The following ZMYND8 variants were observed in gnomAD, a reference collection of about 807,000 sequenced individuals.
The protein encoded by ZMYND8 is MYND-type zinc finger-containing chromatin reader ZMYND8.
ZMYND8 carries 37 observed loss-of-function variants against 140.8 expected under a neutral mutation model. The ratio of observed to expected loss-of-function variants is 0.26; its 90% confidence interval spans 0.20 to 0.35. ZMYND8 has a LOEUF of 0.35. ZMYND8 is among the 10% of genes least tolerant of loss of function. The pLI is 1.00. For synonymous variants in ZMYND8, 592 were observed against 597.1 expected, an observed-to-expected ratio of 0.99 and a Z score of 0.12; for missense variants, 1,068 against 1,570.0, an observed-to-expected ratio of 0.68 and a Z score of 5.40.
chr20:47,225,013 C>T (rs539572812), intron 18 of ZMYND8, among the ~76,000 whole-genome samples: 1 of 152,294 alleles, frequency 6.6e-6, no homozygotes, highest in African/African-American at 2.4e-5. Context: ...TCCTAATAAT[C>T]CTACGGGGTA....
At chr20:47,275,573 A>C (rs1051345405) in intron 11 of ZMYND8, among the ~76,000 whole-genome samples, 2 of 151,210 alleles carry the variant, frequency 1.3e-5, no homozygotes, top group African/African-American at 4.8e-5. Flanking sequence ...AAGACAGAGT[A>C]CTATTATTGT....
chr20:47,274,529 C>T (rs536639148), intron 11 of ZMYND8, among the ~76,000 whole-genome samples: 1 of 152,254 alleles, frequency 6.6e-6, no homozygotes, highest in East Asian at 1.9e-4. Flanking sequence ...GTTTTGTGAA[C>T]TTGGCTTAAA....
At chr20:47,319,440 T>G (rs1273906023) in intron 2 of ZMYND8, 1 of 224,396 alleles carries the variant, frequency 4.5e-6, no homozygotes, top group Non-Finnish European at 9.1e-6. Context: ...TTTTAGTAAT[T>G]GTTTCAGATT....
Position 47,298,774 on chromosome 20 carries a change from T to C in ZMYND8, c.408A>G (p.Arg136=), listed in dbSNP as rs1343181699. ...CPRVYHAKCL[R]LTSEPEGDWF... ...AGTCCCCCTCTGGTTCCGATGTCAGTCTCAGACACTTAGCGTGATAAACCC... is the reference window on the plus strand; with the variant it reads ...AGTCCCCCTCTGGTTCCGATGTCAGCCTCAGACACTTAGCGTGATAAACCC... Residue 136 remains arginine (R), a synonymous_variant, in exon 4 of 23, where the codon AGA becomes AGG. Transcript: ENST00000471951. The surrounding 1 kb of genome is among the most constrained non-coding windows in gnomAD (Gnocchi z 5.0). 1 of 1,614,086 alleles carries C rather than the reference T, an allele frequency of 6.2e-7. No individual in the cohort carries two copies. Among genetic ancestry groups the C allele is most frequent in the Non-Finnish European group, 8.5e-7 (1 of 1,180,000 alleles).
At chr20:47,250,041 T>C (rs1455989809) in intron 12 of ZMYND8, among the ~76,000 whole-genome samples, 1 of 152,068 alleles carries the variant, frequency 6.6e-6, no homozygotes, top group Non-Finnish European at 1.5e-5. Context: ...GCTCACAGCA[T>C]CTATGTGAGG....
Position 47,210,083 on chromosome 20 carries a change from G to GAGTC in ZMYND8, c.*674_*677dup, listed in dbSNP as rs1274266694. On this transcript the variant is annotated 3_prime_UTR_variant, in exon 23 of 23. Coordinates refer to ENST00000471951, the MANE Select transcript of ZMYND8 (RefSeq NM_001281775.3). ...TATTGTTTTTTCCCTTTTAGGAGTA[G>GAGTC]AGTCATCATTTCAATCACATGAAAG... The GAGTC allele has an allele frequency of 6.6e-6, 1 of 152,632 alleles. No homozygotes were observed. The highest frequency in any genetic ancestry group is 2.4e-5 in the African/African-American group (1 of 41,436). 9.5% of individuals were successfully genotyped at this position (152,632 alleles called of 1,614,324 possible).
At chr20:47,310,506 A>G (rs1478981214) in intron 2 of ZMYND8, among the ~76,000 whole-genome samples, 1 of 152,174 alleles carries the variant, frequency 6.6e-6, no homozygotes, top group East Asian at 1.9e-4. Flanking sequence ...TTAAAAAAAC[A>G]GATTAGGAGG....
intron 11 of ZMYND8, among the ~76,000 whole-genome samples, chr20:47,262,817 C>G (rs984016684): frequency 1.3e-5 from 2 of 152,150 alleles, no homozygotes; most frequent in African/African-American, 2.4e-5. Flanking sequence ...CTTACAAATG[C>G]GTATCATCTG....
At chr20:47,279,869 T>C (rs1356474852) in intron 10 of ZMYND8, among the ~76,000 whole-genome samples, 1 of 151,930 alleles carries the variant, frequency 6.6e-6, no homozygotes, top group African/African-American at 2.4e-5. Context: ...ACGCCTGTAA[T>C]CCCAGCACTC....
intron 10 of ZMYND8, among the ~76,000 whole-genome samples, chr20:47,281,572 A>G (rs1210468453): frequency 1.3e-5 from 2 of 152,132 alleles, no homozygotes; most frequent in Non-Finnish European, 2.9e-5. Context: ...ACGGAGGGAA[A>G]GGGGAGGGCA....
chr20:47,333,697 GC>G (rs1482381822), intron 2 of ZMYND8, among the ~76,000 whole-genome samples: 1 of 119,018 alleles, frequency 8.4e-6, no homozygotes, highest in Non-Finnish European at 1.6e-5. Flanking sequence ...CTGCACTCTA[GC>G]CTGGTGACAG....
At chr20:47,264,214 A>C (rs113342941) in intron 11 of ZMYND8, among the ~76,000 whole-genome samples, 1 of 152,234 alleles carries the variant, frequency 6.6e-6, no homozygotes. Context: ...TCGTCGATCT[A>C]TGTCAATTGG....
chr20:47,319,632 G>C (rs2079740816), intron 2 of ZMYND8: 1 of 154,154 alleles, frequency 6.5e-6, no homozygotes, highest in African/African-American at 2.4e-5. Flanking sequence ...GACAGAAATT[G>C]CTTCAATCTA....
At chr20:47,322,032 T>C (rs1309253726) in intron 2 of ZMYND8, among the ~76,000 whole-genome samples, 1 of 151,950 alleles carries the variant, frequency 6.6e-6, no homozygotes, top group Admixed American at 6.6e-5. Context: ...GGCTAATTTT[T>C]GTATTTTTTG....
chr20:47,332,542 G>A (rs889547443), intron 2 of ZMYND8, among the ~76,000 whole-genome samples: 5 of 151,796 alleles, frequency 3.3e-5, no homozygotes, highest in Admixed American at 6.6e-5. Flanking sequence ...AGACTCTGTC[G>A]CTACAAAAAA....
intron 2 of ZMYND8, among the ~76,000 whole-genome samples, chr20:47,313,577 G>C (rs534731167): frequency 7.3e-5 from 11 of 151,456 alleles, no homozygotes. Flanking sequence ...AGCCAAGATC[G>C]CACCACTGCA....
intron 2 of ZMYND8, chr20:47,318,599 T>C (rs2079612977): frequency 2.6e-6 from 1 of 390,044 alleles, no homozygotes; most frequent in Non-Finnish European, 5.1e-6. Context: ...AACTTGTAAA[T>C]GAAAACCGCT....
chr20:47,286,229 G>A (rs1175796129), intron 8 of ZMYND8, among the ~76,000 whole-genome samples: 1 of 150,974 alleles, frequency 6.6e-6, no homozygotes, highest in Non-Finnish European at 1.5e-5. Flanking sequence ...CCAGTCTGGA[G>A]TGTAGTGGTG....
Position 47,262,387 on chromosome 20 carries a change from A to G in ZMYND8, c.1522T>C (p.Ser508Pro). The G allele has an allele frequency of 6.2e-7, 1 of 1,614,122 alleles. No individual in the cohort carries two copies. The highest frequency in any genetic ancestry group is 8.5e-7 in the Non-Finnish European group (1 of 1,180,030). The change falls in exon 12 of 23, where the codon TCC (serine) becomes CCC (proline). Residue 508 changes from serine to proline, a missense_variant. By Grantham distance (74) the Ser-to-Pro change is moderately conservative (BLOSUM62 -1). This residue lies in a region of ZMYND8 where 173 missense variants were observed against 223.3 expected (regional missense o/e 0.77). Transcript: ENST00000471951. ...STKTGQAGSL[S>P]GSPKPFSPQL... is the part of the protein sequence containing the mutation. ...GGAGAGAAGGGCTTTGGGCTGCCGG[A>G]TAAACTCCCTGCTTGTCCCGTCTTG...
Sources: allele counts gnomAD v4.1 joint callset (sites outside exome capture counted in the v4.1 genomes callset), GRCh38; gene constraint gnomAD v4.1.1; regional missense constraint gnomAD v4.1.1; non-coding constraint Gnocchi (gnomAD v3.1); transcripts MANE v1.5; gene names NCBI Gene and HGNC (gene_info 2026-07-23, HGNC 2026-07-21).